C8A: variants seen among roughly 807,000 people sequenced by gnomAD.
The protein encoded by C8A is complement component C8 alpha chain.
Under a neutral mutation model 65.3 loss-of-function variants are expected in C8A, and 67 were observed. The ratio of observed to expected loss-of-function variants is 1.03; its 90% confidence interval spans 0.84 to 1.26. The LOEUF (loss-of-function observed/expected upper bound fraction) is 1.26, where lower values mean the gene tolerates loss of function less well. C8A is among the 50% of genes most tolerant of loss of function. The pLI, the probability that C8A is intolerant of heterozygous loss-of-function variation, is 0.00. For missense variants in C8A, 781 were observed against 723.9 expected (o/e 1.08, Z -0.90); for synonymous variants, 290 against 259.4 (o/e 1.12, Z -1.13).
intron 2 of C8A, among the ~76,000 whole-genome samples, chr1:56,870,181 C>G (rs891859617): frequency 2.2e-4 from 34 of 152,094 alleles, no homozygotes; most frequent in African/African-American, 7.7e-4. Flanking sequence ...AATGTATTCT[C>G]TTACAGTTCT....
intron 7 of C8A, among the ~76,000 whole-genome samples, chr1:56,904,419 T>C (rs532187192): frequency 6.6e-6 from 1 of 152,348 alleles, no homozygotes; most frequent in East Asian, 1.9e-4. Flanking sequence ...GGGCAGGATC[T>C]TACCTTTGCA....
Position 56,876,686 on chromosome 1 carries a change from C to A in C8A, c.464+477C>A, listed in dbSNP as rs576397293. 2.0e-5 allele frequency among the ~76,000 whole-genome samples: 3 copies of A among 152,140 alleles called. No individual in the cohort carries two copies. The South Asian group carries it at 6.2e-4, about 32-fold the overall frequency. On this transcript the variant is annotated intron_variant, in intron 4 of 10. Coordinates refer to ENST00000361249, the MANE Select transcript of C8A (RefSeq NM_000562.3). Reference sequence around the variant, plus strand: ...AGACAGAGAGGGGCTTTAACCCCCACTTTCCCATTGCTTACTTAAACCTCT... The same window carrying A: ...AGACAGAGAGGGGCTTTAACCCCCAATTTCCCATTGCTTACTTAAACCTCT...
chr1:56,902,854 G>A (rs181093720), intron 7 of C8A, among the ~76,000 whole-genome samples: 2 of 152,194 alleles, frequency 1.3e-5, no homozygotes, highest in Admixed American at 1.3e-4. Context: ...AATGTTCATT[G>A]AAGAAAATCA....
intron 4 of C8A, among the ~76,000 whole-genome samples, chr1:56,880,432 G>C (rs982950443): frequency 1.3e-5 from 2 of 151,912 alleles, no homozygotes; most frequent in African/African-American, 2.4e-5. Flanking sequence ...AAAACCATGA[G>C]AGGTAGGTAT....
intron 1 of C8A, among the ~76,000 whole-genome samples, chr1:56,855,320 T>C (rs898108636): frequency 2.6e-5 from 4 of 152,178 alleles, no homozygotes; most frequent in African/African-American, 9.7e-5. Flanking sequence ...ATATAAAATG[T>C]ACTCAGCTTA....
At chr1:56,902,528 C>A (rs1012580389) in intron 7 of C8A, among the ~76,000 whole-genome samples, 1 of 152,122 alleles carries the variant, frequency 6.6e-6, no homozygotes, top group African/African-American at 2.4e-5. Flanking sequence ...AACATGAAAT[C>A]TACCCTCTTA....
chr1:56,866,762 G>T (rs116116699), intron 1 of C8A, among the ~76,000 whole-genome samples: 7 of 152,178 alleles, frequency 4.6e-5, no homozygotes, highest in Non-Finnish European at 1.0e-4. Flanking sequence ...GCAAACTTGC[G>T]GCTTGTCTCT....
chr1:56,880,900 C>T (rs948992343), intron 4 of C8A, among the ~76,000 whole-genome samples: 4 of 152,172 alleles, frequency 2.6e-5, no homozygotes, highest in Non-Finnish European at 4.4e-5. Flanking sequence ...GGTCACACAG[C>T]TAGATGTGGC....
chr1:56,868,023 G>A (rs1157670364), intron 2 of C8A, among the ~76,000 whole-genome samples: 2 of 152,080 alleles, frequency 1.3e-5, no homozygotes, highest in South Asian at 2.1e-4. Context: ...TCTTCTGGAG[G>A]AAGTAATAGC....
chr1:56,902,672 ACAACCAT>A lies in C8A; in HGVS notation c.1097-3994_1097-3988del, dbSNP rs1644435576. ...TTCCTCTTGCCCCCAGCCCCTGGCA[ACAACCAT>A]GATACCCTTTGATTCTATATATCTG... On this transcript the variant is annotated intron_variant, in intron 7 of 10. Coordinates refer to ENST00000361249, the MANE Select transcript of C8A (RefSeq NM_000562.3). Among the ~76,000 whole-genome samples, 4 of 152,292 alleles carry A rather than the reference ACAACCAT, an allele frequency of 2.6e-5. No homozygotes were observed. In the East Asian group the frequency reaches 7.7e-4, roughly 29 times the overall value.
chr1:56,902,715 T>C (rs534398053), intron 7 of C8A, among the ~76,000 whole-genome samples: 2 of 152,274 alleles, frequency 1.3e-5, no homozygotes, highest in African/African-American at 4.8e-5. Flanking sequence ...ACTATTCATA[T>C]ATCTAATATA....
intron 7 of C8A, among the ~76,000 whole-genome samples, chr1:56,900,406 T>C (rs536246036): frequency 5.3e-5 from 8 of 152,282 alleles, no homozygotes; most frequent in Non-Finnish European, 1.0e-4. Flanking sequence ...TAGAAACAAT[T>C]ATCATTCCCG....
chr1:56,855,652 A>G (rs1396334832), intron 1 of C8A, among the ~76,000 whole-genome samples: 1 of 147,402 alleles, frequency 6.8e-6, no homozygotes, highest in Non-Finnish European at 1.5e-5. Context: ...TTTTTTTGGT[A>G]TCTTAATATT....
intron 7 of C8A, among the ~76,000 whole-genome samples, chr1:56,906,297 A>C (rs1217457278): frequency 6.6e-6 from 1 of 152,168 alleles, no homozygotes; most frequent in Non-Finnish European, 1.5e-5. Flanking sequence ...GTAGGGACAA[A>C]TATGTGCAAA....
intron 9 of C8A, among the ~76,000 whole-genome samples, chr1:56,909,023 T>C (rs540975972): frequency 2.0e-5 from 3 of 152,154 alleles, no homozygotes; most frequent in Non-Finnish European, 4.4e-5. Flanking sequence ...TAAACATCCT[T>C]CCATGCACAG....
chr1:56,905,651 G>T (rs1329529312), intron 7 of C8A, among the ~76,000 whole-genome samples: 1 of 152,160 alleles, frequency 6.6e-6, no homozygotes, highest in Non-Finnish European at 1.5e-5. Context: ...TAGCTCAACT[G>T]AATGACAGGT....
intron 7 of C8A, among the ~76,000 whole-genome samples, chr1:56,905,180 G>A (rs543908209): frequency 1.3e-5 from 2 of 152,334 alleles, no homozygotes; most frequent in South Asian, 4.1e-4. Flanking sequence ...CCGGTGCTCA[G>A]AGCATCACTT....
intron 4 of C8A, 57 bp downstream of exon 4, chr1:56,876,266 A>G: frequency 1.2e-6 from 2 of 1,609,148 alleles, no homozygotes. Context: ...TTCAATCGTG[A>G]GCATTAGTTT....
intron 2 of C8A, among the ~76,000 whole-genome samples, chr1:56,870,334 G>A (rs1279194541): frequency 6.6e-6 from 1 of 151,522 alleles, no homozygotes; most frequent in South Asian, 2.1e-4. Flanking sequence ...AATTACTTTT[G>A]CAGCAACCTA....
Sources: gnomAD v4.1 joint callset for allele counts (sites outside exome capture counted in the v4.1 genomes callset) on GRCh38, gnomAD v4.1.1 for gene constraint, MANE v1.5 for transcripts, NCBI Gene and HGNC (gene_info 2026-07-23, HGNC 2026-07-21) for gene names.